The following CPXM2 variants were observed in gnomAD, a reference collection of about 807,000 sequenced individuals.
The protein encoded by CPXM2 is carboxypeptidase X, M14 family member 2, also known as inactive carboxypeptidase-like protein X2.
A neutral mutation model predicts 86.1 loss-of-function variants in CPXM2; 66 were observed. The observed-to-expected ratio is 0.77, with a 90% CI of 0.63 to 0.94. The LOEUF is 0.94. Ranked by LOEUF, CPXM2 falls within the 40% of genes least tolerant of loss-of-function variation. The pLI, the probability that CPXM2 is intolerant of heterozygous loss-of-function variation, is 0.00. For synonymous variants in CPXM2, 388 were observed against 400.2 expected (o/e 0.97, Z 0.36); for missense variants, 948 against 1,026.3 (o/e 0.92, Z 1.04).
chr10:123,758,090 T>C (rs1170333036), intron 11 of CPXM2, among the ~76,000 whole-genome samples: 3 of 152,164 alleles, frequency 2.0e-5, no homozygotes, highest in South Asian at 2.1e-4. Context: ...TCTCCCAGTA[T>C]GCCTGAAAGC....
upstream of CPXM2, among the ~76,000 whole-genome samples, chr10:123,942,715 G>C (rs1056239505): frequency 1.3e-5 from 2 of 152,158 alleles, no homozygotes; most frequent in African/African-American, 2.4e-5. Flanking sequence ...CAGCCCTCAG[G>C]AGGGCTCTCA....
At chr10:123,906,961 G>A (rs1055174142) in intron 2 of CPXM2, among the ~76,000 whole-genome samples, 1 of 152,192 alleles carries the variant, frequency 6.6e-6, no homozygotes, top group Non-Finnish European at 1.5e-5. Flanking sequence ...CTGCCCAGAA[G>A]CTGCCTGGTG....
chr10:123,852,996 G>A (rs547781758), intron 3 of CPXM2, among the ~76,000 whole-genome samples: 11 of 152,152 alleles, frequency 7.2e-5, no homozygotes, highest in East Asian at 3.8e-4. Context: ...CAAATCTCAC[G>A]TCAAATTGTA....
chr10:123,909,410 A>C (rs1275192938), intron 2 of CPXM2, among the ~76,000 whole-genome samples: 1 of 152,218 alleles, frequency 6.6e-6, no homozygotes, highest in East Asian at 1.9e-4. Flanking sequence ...ATCTGTGTTG[A>C]GTAATTAACT....
At chr10:123,798,629 A>G (rs888300454) in intron 5 of CPXM2, among the ~76,000 whole-genome samples, 2 of 152,218 alleles carry the variant, frequency 1.3e-5, no homozygotes, top group African/African-American at 4.8e-5. Flanking sequence ...AAGAAGGTTG[A>G]AAAAGGAGGC....
chr10:123,897,458 T>C (rs1590111098), intron 2 of CPXM2, among the ~76,000 whole-genome samples: 1 of 152,088 alleles, frequency 6.6e-6, no homozygotes, highest in African/African-American at 2.4e-5. Flanking sequence ...ACTGTTTCAC[T>C]CCAAAATTTC....
rs960705670 is a variant in CPXM2 at position 123,757,358 on chromosome 10, A to T, written c.1778-6T>A. ...GTAGCTGAAATCGTTCAGACCTGCC[A>T]AGCCAACCGGACAACACTTTAACTG... On this transcript the variant is annotated splice_polypyrimidine_tract_variant and splice_region_variant and intron_variant, in intron 11 of 13. Transcript: ENST00000241305. The T allele has an allele frequency of 6.2e-7, 1 of 1,611,952 alleles. No individual in the cohort carries two copies. Among genetic ancestry groups the T allele is most frequent in the Non-Finnish European group, 8.5e-7 (1 of 1,178,278 alleles).
At chr10:123,747,052 G>T (rs763238733) in intron 13 of CPXM2, 35 bp from the exon 14 acceptor site, 2 of 1,607,364 alleles carry the variant, frequency 1.2e-6, no homozygotes, top group Non-Finnish European at 1.7e-6. Flanking sequence ...ACTCAGAGCA[G>T]CTCTTGCTAA....
intron 2 of CPXM2, among the ~76,000 whole-genome samples, chr10:123,938,164 A>G (rs1226485618): frequency 6.6e-6 from 1 of 152,110 alleles, no homozygotes; most frequent in African/African-American, 2.4e-5. Context: ...TTTTGTGTGC[A>G]CACAATCACT....
At chr10:123,847,369 A>G (rs1196724052) in intron 3 of CPXM2, among the ~76,000 whole-genome samples, 2 of 152,150 alleles carry the variant, frequency 1.3e-5, no homozygotes, top group South Asian at 4.1e-4. Flanking sequence ...TACCAAAAAT[A>G]TAGAACATTT....
At chr10:123,849,471 G>A (rs192104538) in intron 3 of CPXM2, among the ~76,000 whole-genome samples, 57 of 120,916 alleles carry the variant, frequency 4.7e-4, no homozygotes, top group Middle Eastern at 6.0e-3. Context: ...ATGGAGTTTC[G>A]CTCTTGTTGC....
chr10:123,799,257 G>GAA, intron 4 of CPXM2, 58 bp from the exon 5 acceptor site: 1 of 1,603,364 alleles, frequency 6.2e-7, no homozygotes, highest in Non-Finnish European at 8.5e-7. Flanking sequence ...GTTCTTCCAT[G>GAA]AAGAGGTTTA....
At chr10:123,850,434 A>G (rs926909995) in intron 3 of CPXM2, among the ~76,000 whole-genome samples, 7 of 152,220 alleles carry the variant, frequency 4.6e-5, no homozygotes, top group Admixed American at 2.0e-4. Context: ...CCAATTTATA[A>G]ACTGCATGCC....
chr10:123,878,429 G>A (rs968879090), intron 2 of CPXM2, among the ~76,000 whole-genome samples: 2 of 148,088 alleles, frequency 1.4e-5, no homozygotes, highest in Non-Finnish European at 3.0e-5. Context: ...TAGCTTTGAA[G>A]CCAAAGCCAT....
chr10:123,821,767 A>G (rs1370552607), intron 4 of CPXM2, among the ~76,000 whole-genome samples: 1 of 152,156 alleles, frequency 6.6e-6, no homozygotes, highest in African/African-American at 2.4e-5. Flanking sequence ...AAACCTCCTA[A>G]AATGCATTAG....
chr10:123,891,305 C>G lies in CPXM2; in HGVS notation c.304+51G>C, dbSNP rs1442096852. On this transcript the variant is annotated intron_variant, in intron 1 of 13. Coordinates refer to ENST00000241305, the MANE Select transcript of CPXM2 (RefSeq NM_198148.3). This position sits in a 1 kb window ranked among gnomAD's most constrained non-coding sequence, Gnocchi z 5.6. ...GGAGAAGCCAGTTGTCCCCTGGAGG[C>G]GCGCAACCACCGGCGCCCCCTCGGG... The G allele has an allele frequency of 2.2e-6, 3 of 1,393,962 alleles. No homozygotes were observed. The South Asian group carries it at 4.5e-5, about 21-fold the overall frequency. 86.3% of individuals were successfully genotyped at this position (1,393,962 alleles called of 1,614,324 possible).
At chr10:123,830,035 T>C (rs1242450367) in intron 4 of CPXM2, among the ~76,000 whole-genome samples, 1 of 151,378 alleles carries the variant, frequency 6.6e-6, no homozygotes, top group African/African-American at 2.4e-5. Flanking sequence ...AATGTAAAAA[T>C]TGAAATAATA....
At chr10:123,929,781 G>T (rs1945651722) in intron 2 of CPXM2, among the ~76,000 whole-genome samples, 1 of 152,180 alleles carries the variant, frequency 6.6e-6, no homozygotes, top group Non-Finnish European at 1.5e-5. Context: ...TTAGAGCGGG[G>T]TGTGCACCCA....
intron 3 of CPXM2, among the ~76,000 whole-genome samples, chr10:123,856,733 A>T (rs1339161612): frequency 6.8e-6 from 1 of 147,768 alleles, no homozygotes; most frequent in Non-Finnish European, 1.5e-5. Context: ...CTGGGATTAC[A>T]GGCGTGTGCC....
Sources: allele counts gnomAD v4.1 joint callset (sites outside exome capture counted in the v4.1 genomes callset), GRCh38; gene constraint gnomAD v4.1.1; non-coding constraint Gnocchi (gnomAD v3.1); transcripts MANE v1.5; gene names NCBI Gene and HGNC (gene_info 2026-07-23, HGNC 2026-07-21).